CTXND1: variants seen among roughly 807,000 people sequenced by gnomAD.
CTXND1 encodes the protein cortexin domain containing 1, also known as cortexin domain-containing 1 protein.
At chr15:80,208,684 C>T (rs1340498501) in intron 1 of CTXND1, among the ~76,000 whole-genome samples, 2 of 152,202 alleles carry the variant, frequency 1.3e-5, no homozygotes, top group Non-Finnish European at 2.9e-5. Context: ...TATGCACTCT[C>T]CACTTTGGAC....
At chr15:80,228,612 G>C (rs1185999360) in intron 1 of CTXND1, among the ~76,000 whole-genome samples, 1 of 149,068 alleles carries the variant, frequency 6.7e-6, no homozygotes, top group African/African-American at 2.5e-5. Context: ...AGATTCAAAC[G>C]CTGAAATGCT....
intron 1 of CTXND1, among the ~76,000 whole-genome samples, chr15:80,218,126 T>C (rs1893272948): frequency 6.6e-6 from 1 of 152,172 alleles, no homozygotes; most frequent in Non-Finnish European, 1.5e-5. Flanking sequence ...TGGCTGTAAT[T>C]ATCTGCTTAT....
intron 1 of CTXND1, among the ~76,000 whole-genome samples, 155 bp from the exon 2 acceptor site, chr15:80,203,895 T>C (rs889493359): frequency 6.6e-5 from 10 of 151,862 alleles, no homozygotes; most frequent in African/African-American, 2.4e-4. Flanking sequence ...TTTTAAAATA[T>C]AACAACTTTC....
At chr15:80,248,121 A>G (rs1302316061) in intron 1 of CTXND1, among the ~76,000 whole-genome samples, 1 of 152,188 alleles carries the variant, frequency 6.6e-6, no homozygotes, top group Non-Finnish European at 1.5e-5. Context: ...CTTCCCGTGC[A>G]TGGGCCTCAT....
intron 1 of CTXND1, among the ~76,000 whole-genome samples, chr15:80,221,445 T>C (rs936419108): frequency 1.3e-5 from 2 of 152,182 alleles, no homozygotes; most frequent in African/African-American, 4.8e-5. Context: ...GGACTCGACA[T>C]GGTGGCACGT....
chr15:80,250,131 G>C (rs571945025), intron 1 of CTXND1, among the ~76,000 whole-genome samples: 2 of 152,280 alleles, frequency 1.3e-5, no homozygotes, highest in East Asian at 3.9e-4. Context: ...AACTATTTTA[G>C]GGTTGCAGAT....
intron 1 of CTXND1, among the ~76,000 whole-genome samples, chr15:80,248,171 G>A (rs1350193811): frequency 6.6e-6 from 1 of 152,140 alleles, no homozygotes; most frequent in African/African-American, 2.4e-5. Flanking sequence ...ACATACAAAT[G>A]AACCAACTCT....
chr15:80,220,150 T>TC (rs1893299061), intron 1 of CTXND1, among the ~76,000 whole-genome samples: 2 of 37,252 alleles, frequency 5.4e-5, no homozygotes, highest in Admixed American at 2.3e-4. Context: ...ATCTATCATC[T>TC]ATCTATCTAT....
intron 1 of CTXND1, among the ~76,000 whole-genome samples, chr15:80,231,726 G>T (rs2142135108): frequency 1.3e-5 from 2 of 152,236 alleles, no homozygotes; most frequent in Middle Eastern, 6.8e-3. Flanking sequence ...TGCCCAGGAT[G>T]AACTAGGCTG....
chr15:80,215,162 G>T (rs1250306135), intron 1 of CTXND1, among the ~76,000 whole-genome samples: 5 of 152,192 alleles, frequency 3.3e-5, no homozygotes, highest in African/African-American at 1.2e-4. Flanking sequence ...CCAGCAGCCA[G>T]ACCAAGGCCA....
Position 80,205,202 on chromosome 15 carries a change from A to G in CTXND1, c.-217-1462T>C, listed in dbSNP as rs190398496. On this transcript the variant is annotated intron_variant, in intron 1 of 2. Coordinates refer to ENST00000560778, the MANE Select transcript of CTXND1 (RefSeq NM_001352888.2). ...TTGCCTCTTTCTTTTTAATGGCTCT[A>G]TTGTATTTTGTTGTACGGATATCCC... Among the ~76,000 whole-genome samples the G allele has an allele frequency of 1.2e-3, 184 of 152,142 alleles. 1 individual carries two copies. The highest frequency in any genetic ancestry group is 4.1e-3 in the African/African-American group (171 of 41,492).
intron 1 of CTXND1, among the ~76,000 whole-genome samples, chr15:80,232,694 A>G (rs1366839512): frequency 6.6e-6 from 1 of 152,090 alleles, no homozygotes; most frequent in Non-Finnish European, 1.5e-5. Flanking sequence ...AAAACTCTCC[A>G]TCTCCCCAAA....
intron 1 of CTXND1, among the ~76,000 whole-genome samples, chr15:80,246,559 G>A (rs1051673135): frequency 6.6e-6 from 1 of 152,240 alleles, no homozygotes; most frequent in Admixed American, 6.5e-5. Flanking sequence ...CCCGTTGTGG[G>A]AGTTAATGTG....
At chr15:80,239,252 C>T (rs1320268898) in intron 1 of CTXND1, among the ~76,000 whole-genome samples, 1 of 152,176 alleles carries the variant, frequency 6.6e-6, no homozygotes, top group African/African-American at 2.4e-5. Context: ...TCTTGCTCCC[C>T]ACCTCTCCAT....
chr15:80,229,767 A>G, intron 1 of CTXND1, among the ~76,000 whole-genome samples: 1 of 152,236 alleles, frequency 6.6e-6, no homozygotes, highest in Middle Eastern at 3.2e-3. Context: ...GTCCTGGTAT[A>G]GCGTGCTTTG....
At chr15:80,220,737 A>G (rs937830705) in intron 1 of CTXND1, among the ~76,000 whole-genome samples, 2 of 151,976 alleles carry the variant, frequency 1.3e-5, no homozygotes, top group African/African-American at 4.8e-5. Context: ...ATGGGAAAAC[A>G]CATTTTCTGT....
intron 1 of CTXND1, among the ~76,000 whole-genome samples, chr15:80,238,637 T>A (rs57115654): frequency 0.23 from 34,756 of 151,890 alleles, 5,480 homozygotes; most frequent in East Asian, 0.66. Context: ...GGTGCCCGCC[T>A]CCACGCCCAG....
At position 80,249,703 on chromosome 15, in the gene CTXND1, C is replaced by T. The variant is rs1011716465; in HGVS notation, c.-218+2304G>A. On this transcript the variant is annotated intron_variant, in intron 1 of 2. Coordinates refer to ENST00000560778, the MANE Select transcript of CTXND1 (RefSeq NM_001352888.2). ...CCACAAATGCCAGTGTTCTTCTCCC[C>T]GGTGTCCACAAGGCAACTGATATTC... 7.2e-5 allele frequency among the ~76,000 whole-genome samples: 11 copies of T among 152,196 alleles called. No homozygotes were observed. In the East Asian group the frequency reaches 7.7e-4, roughly 11 times the overall value.
rs140872056 is a variant in CTXND1 at position 80,203,215 on chromosome 15, T to A, written c.-66+374A>T. ...TCCCCATACATAGCATTCGTCCCTA[T>A]CCTCATCCCTGAACTTGTGGAGTGC... On this transcript the variant is annotated intron_variant, in intron 2 of 2. Transcript: ENST00000560778. Among the ~76,000 whole-genome samples, 137 of 152,278 alleles carry A rather than the reference T, an allele frequency of 9.0e-4. No homozygotes were observed. The East Asian group carries it at 0.025, about 27-fold the overall frequency.
Sources: gnomAD v4.1 joint callset for allele counts (sites outside exome capture counted in the v4.1 genomes callset) on GRCh38, gnomAD v4.1.1 for gene constraint, MANE v1.5 for transcripts, NCBI Gene and HGNC (gene_info 2026-07-23, HGNC 2026-07-21) for gene names.